KCND3: variants seen among roughly 807,000 people sequenced by gnomAD.
KCND3 encodes potassium voltage-gated channel subfamily D member 3, also known as A-type voltage-gated potassium channel KCND3.
In KCND3, 9 loss-of-function variants were observed where a neutral mutation model predicts 51.1. The observed-to-expected ratio is 0.18, with a 90% confidence interval of 0.11 to 0.31. The LOEUF is 0.31. Among genes scored for constraint, KCND3 ranks in the 10% least tolerant of loss-of-function variants. The pLI, the probability that KCND3 is intolerant of heterozygous loss-of-function variation, is 1.00. For synonymous variants in KCND3, 349 were observed against 368.0 expected, an observed-to-expected ratio of 0.95 and a Z score of 0.59; for missense variants, 526 against 903.8, an observed-to-expected ratio of 0.58 and a Z score of 5.36.
chr1:111,826,838 C>T (rs1438277273), intron 2 of KCND3, among the ~76,000 whole-genome samples: 1 of 152,206 alleles, frequency 6.6e-6, no homozygotes, highest in Non-Finnish European at 1.5e-5. Context: ...AAGTGCTTCA[C>T]ATTAATTACC....
intron 2 of KCND3, among the ~76,000 whole-genome samples, chr1:111,930,261 G>C (rs1671902491): frequency 6.6e-6 from 1 of 152,032 alleles, no homozygotes; most frequent in Non-Finnish European, 1.5e-5. Flanking sequence ...GTTAGTAGTT[G>C]ATAAATCCTG....
intron 2 of KCND3, among the ~76,000 whole-genome samples, chr1:111,903,951 T>C (rs1670513848): frequency 6.6e-6 from 1 of 152,200 alleles, no homozygotes; most frequent in Non-Finnish European, 1.5e-5. Context: ...TCCAGGCCAC[T>C]GGATGGGCCA....
intron 2 of KCND3, among the ~76,000 whole-genome samples, chr1:111,958,477 T>C (rs1049671316): frequency 2.0e-5 from 3 of 152,168 alleles, no homozygotes; most frequent in Non-Finnish European, 1.5e-5. Context: ...TTCTCTGATG[T>C]ATGACCAGAG....
chr1:111,780,442 A>C lies in KCND3; in HGVS notation c.1372-128T>G. On this transcript the variant is annotated intron_variant, in intron 4 of 7. Coordinates refer to ENST00000302127, the MANE Select transcript of KCND3 (RefSeq NM_001378969.1). The surrounding 1 kb of genome is among the most constrained non-coding windows in gnomAD (Gnocchi z 4.2). ...ATTTTTTTTTATTTGACCAAATTTC[A>C]GGGTCAGCATTGAATATGCTAACCT... 1 of 995,716 alleles carries C rather than the reference A, an allele frequency of 1.0e-6. No homozygotes were observed. Among genetic ancestry groups the C allele is most frequent in the South Asian group, 1.4e-5 (1 of 71,930 alleles). 61.7% of individuals were successfully genotyped at this position (995,716 alleles called of 1,614,324 possible).
At chr1:111,808,212 T>G (rs1665667852) in intron 2 of KCND3, among the ~76,000 whole-genome samples, 1 of 152,212 alleles carries the variant, frequency 6.6e-6, no homozygotes, top group Admixed American at 6.5e-5. Context: ...ACTTTCATCC[T>G]TTTCCTCTTT....
chr1:111,802,682 T>C (rs932451411), intron 2 of KCND3, among the ~76,000 whole-genome samples: 3 of 152,172 alleles, frequency 2.0e-5, no homozygotes, highest in African/African-American at 7.2e-5. Flanking sequence ...ACTAGGCACA[T>C]AGTAGGAATG....
At chr1:111,833,734 CTCCGGGGGTA>C (rs1424166366) in intron 2 of KCND3, among the ~76,000 whole-genome samples, 1 of 152,180 alleles carries the variant, frequency 6.6e-6, no homozygotes, top group Non-Finnish European at 1.5e-5. Context: ...ATTTCTTAAT[CTCCGGGGGTA>C]TCTCCTCACA....
chr1:111,943,329 C>A (rs1672617817), intron 2 of KCND3, among the ~76,000 whole-genome samples: 1 of 152,108 alleles, frequency 6.6e-6, no homozygotes, highest in South Asian at 2.1e-4. Flanking sequence ...GCGCACCATG[C>A]CCAGCCTCAC....
chr1:111,955,715 A>G (rs1285790093), intron 2 of KCND3, among the ~76,000 whole-genome samples: 1 of 152,230 alleles, frequency 6.6e-6, no homozygotes, highest in African/African-American at 2.4e-5. Context: ...TAAATTATGA[A>G]TGACTCAATG....
chr1:111,802,412 T>C (rs1365443097), intron 2 of KCND3, among the ~76,000 whole-genome samples: 1 of 152,246 alleles, frequency 6.6e-6, no homozygotes. Context: ...GACAATGTCA[T>C]GCAAAGAACG....
At chr1:111,940,612 C>T (rs1258832083) in intron 2 of KCND3, among the ~76,000 whole-genome samples, 1 of 152,228 alleles carries the variant, frequency 6.6e-6, no homozygotes, top group Non-Finnish European at 1.5e-5. Flanking sequence ...CAGTACCATG[C>T]TGCTTTGCTT....
intron 2 of KCND3, among the ~76,000 whole-genome samples, chr1:111,917,746 A>T (rs1309382719): frequency 1.3e-5 from 2 of 152,206 alleles, no homozygotes; most frequent in African/African-American, 4.8e-5. Context: ...ACTGAGGTAA[A>T]GAGCCATAGA....
Position 111,893,454 on chromosome 1 carries a change from G to C in KCND3, c.1106+88167C>G, listed in dbSNP as rs1271331170. Among the ~76,000 whole-genome samples, 2 of 152,166 alleles carry C rather than the reference G, an allele frequency of 1.3e-5. 1 individual carries two copies. The highest frequency in any genetic ancestry group is 4.1e-4 in the South Asian group (2 of 4,836). ...ATGATGGCCTTGGTAGGAGACTCGGGACTATTGAGTGCCAGGCACAGGCTG... is the reference window on the plus strand; with the variant it reads ...ATGATGGCCTTGGTAGGAGACTCGGCACTATTGAGTGCCAGGCACAGGCTG... On this transcript the variant is annotated intron_variant, in intron 2 of 7. Transcript: ENST00000302127.
At chr1:111,839,007 T>C (rs2101636605) in intron 2 of KCND3, among the ~76,000 whole-genome samples, 1 of 152,360 alleles carries the variant, frequency 6.6e-6, no homozygotes, top group African/African-American at 2.4e-5. Context: ...GATTTGTTTT[T>C]AGTGAGCCCC....
chr1:111,777,052 G>T lies in KCND3; in HGVS notation c.1740C>A (p.Gly580=). Residue 580 remains glycine, a synonymous_variant, in exon 7 of 8, where the codon GGC becomes GGA. Coordinates refer to ENST00000302127, the MANE Select transcript of KCND3 (RefSeq NM_001378969.1). The stretch of plus-strand genomic sequence containing the variant: ...TGGTTGTGAGGGAGGGCTGCTCACT[G>T]CCCTGGATGTGGATCGTGCTGAGCT... ...MQELSTIHIQ[G]SEQPSLTTSR... is the part of the protein sequence containing the mutation. 6.2e-7 allele frequency: 1 copy of T among 1,613,796 alleles called. No individual in the cohort carries two copies. The highest frequency in any genetic ancestry group is 1.7e-5 in the Admixed American group (1 of 60,022).
intron 2 of KCND3, among the ~76,000 whole-genome samples, chr1:111,939,258 T>G (rs1422721931): frequency 6.6e-6 from 1 of 152,182 alleles, no homozygotes. Flanking sequence ...ACTTTAAGTT[T>G]TGGGATACAC....
chr1:111,981,518 G>T lies in KCND3; in HGVS notation c.1106+103C>A. Reference sequence around the variant, plus strand: ...CCCTGCCCCCAACACTTGGGTAAGGGACTCCCTCCTCCTCTACCCATGGTG... The same window carrying T: ...CCCTGCCCCCAACACTTGGGTAAGGTACTCCCTCCTCCTCTACCCATGGTG... On this transcript the variant is annotated intron_variant, in intron 2 of 7. Transcript: ENST00000302127. The surrounding 1 kb of genome is among the most constrained non-coding windows in gnomAD (Gnocchi z 6.2). 6.5e-7 allele frequency: 1 copy of T among 1,539,672 alleles called. No homozygotes were observed. Among genetic ancestry groups the T allele is most frequent in the Non-Finnish European group, 9.0e-7 (1 of 1,114,852 alleles).
intron 2 of KCND3, among the ~76,000 whole-genome samples, chr1:111,866,557 G>A (rs1668580381): frequency 7.0e-6 from 1 of 143,592 alleles, no homozygotes; most frequent in African/African-American, 2.6e-5. Context: ...GAGCCACTGT[G>A]CCTGACCTGT....
intron 2 of KCND3, among the ~76,000 whole-genome samples, chr1:111,823,124 G>A (rs1666422456): frequency 6.6e-6 from 1 of 152,122 alleles, no homozygotes; most frequent in African/African-American, 2.4e-5. Context: ...CCCCATTACT[G>A]CTGAGGGGCC....
Sources: gnomAD v4.1 joint callset for allele counts (sites outside exome capture counted in the v4.1 genomes callset) on GRCh38, gnomAD v4.1.1 for gene constraint, Gnocchi (gnomAD v3.1) non-coding constraint, MANE v1.5 for transcripts, NCBI Gene and HGNC (gene_info 2026-07-23, HGNC 2026-07-21) for gene names.